The following PTPN14 variants were observed in gnomAD, a reference collection of about 807,000 sequenced individuals.
The protein encoded by PTPN14 is tyrosine-protein phosphatase non-receptor type 14.
In PTPN14, 53 loss-of-function variants were observed where a neutral mutation model predicts 126.8. That is an observed-to-expected ratio of 0.42 (90% confidence interval 0.34 to 0.53). PTPN14 has a LOEUF of 0.53. Ranked by LOEUF, PTPN14 falls within the 20% of genes least tolerant of loss-of-function variation. The pLI, the probability that PTPN14 is intolerant of heterozygous loss-of-function variation, is 0.08. For synonymous variants in PTPN14, 630 were observed against 599.3 expected (o/e 1.05, Z -0.75); for missense variants, 1,257 against 1,552.9 (o/e 0.81, Z 3.20).
At chr1:214,486,786 A>T (rs769298506) in intron 1 of PTPN14, among the ~76,000 whole-genome samples, 77 of 152,298 alleles carry the variant, frequency 5.1e-4, no homozygotes, top group Non-Finnish European at 9.4e-4. Context: ...CATTCCCCCT[A>T]GTAGTGAACA....
chr1:214,449,046 G>A (rs1420065353), intron 3 of PTPN14, among the ~76,000 whole-genome samples: 4 of 118,636 alleles, frequency 3.4e-5, no homozygotes, highest in East Asian at 4.8e-4. Context: ...TCACTCTTTC[G>A]CCCAAGCTGG....
chr1:214,389,823 G>T (rs559047668), intron 11 of PTPN14, among the ~76,000 whole-genome samples: 1 of 152,284 alleles, frequency 6.6e-6, no homozygotes, highest in Non-Finnish European at 1.5e-5. Context: ...TAAAGGAGAA[G>T]AATAAATAAA....
chr1:214,377,408 A>G (rs1658368437), intron 14 of PTPN14, among the ~76,000 whole-genome samples: 1 of 152,210 alleles, frequency 6.6e-6, no homozygotes, highest in African/African-American at 2.4e-5. Context: ...AGGAGCAGAG[A>G]GGATAACCAT....
chr1:214,439,615 G>C (rs1659993998), intron 3 of PTPN14, among the ~76,000 whole-genome samples: 2 of 152,196 alleles, frequency 1.3e-5, no homozygotes, highest in Non-Finnish European at 2.9e-5. Context: ...AGAGTTAGGA[G>C]GCTGTAAACC....
In PTPN14 at chr1:214,348,921, C is replaced by T. The variant is rs1269764400; in HGVS notation, c.*9001G>A. 1 of 152,100 alleles carries T rather than the reference C, an allele frequency of 6.6e-6. No individual in the cohort carries two copies. Among genetic ancestry groups the T allele is most frequent in the African/African-American group, 2.4e-5 (1 of 41,424 alleles). The allele number at this position is 152,100 out of a possible 1,614,324, so 9.4% of individuals were successfully genotyped here. ...TACTGTCAAAGTCAGTTCTATACAC[C>T]TCATAACTGTGTATACAACTGGCAA... On this transcript the variant is annotated 3_prime_UTR_variant, in exon 19 of 19. Transcript: ENST00000366956.
At chr1:214,366,053 T>C (rs1040670781) in intron 17 of PTPN14, among the ~76,000 whole-genome samples, 2 of 152,062 alleles carry the variant, frequency 1.3e-5, no homozygotes, top group Non-Finnish European at 2.9e-5. Context: ...TAATCCCAGC[T>C]AGTAATTCCA....
Position 214,383,721 on chromosome 1 carries a change from C to G in PTPN14, c.2134G>C (p.Glu712Gln), listed in dbSNP as rs777047210. The stretch of plus-strand genomic sequence containing the variant: ...GATTCTGGAGCCTCCTCCTCCTCCT[C>G]CTCACTCTCGCTGCTGTGGATTAGC... The part of the protein sequence containing the change: ...TMLIHSSESE[E>Q]EEEEAPESVP... Residue 712 changes from glutamate (E) to glutamine (Q), a missense_variant, in exon 13 of 19, where the codon GAG becomes CAG. This residue lies in a region of PTPN14 where 1,021 missense variants were observed against 1,183.3 expected (regional missense o/e 0.86). Transcript: ENST00000366956. This position sits in a 1 kb window ranked among gnomAD's most constrained non-coding sequence, Gnocchi z 4.4. 1.9e-5 allele frequency: 31 copies of G among 1,613,318 alleles called. No homozygotes were observed. Among genetic ancestry groups the G allele is most frequent in the Non-Finnish European group, 2.6e-5 (31 of 1,180,028 alleles).
chr1:214,374,925 G>A (rs1363718286), intron 15 of PTPN14, among the ~76,000 whole-genome samples: 1 of 152,208 alleles, frequency 6.6e-6, no homozygotes, highest in Non-Finnish European at 1.5e-5. Context: ...GGAAGCAGCT[G>A]TGTGATCTGC....
intron 1 of PTPN14, among the ~76,000 whole-genome samples, chr1:214,520,065 A>AATATATATATAT (rs1553274995): frequency 4.6e-4 from 33 of 71,070 alleles, no homozygotes; most frequent in Middle Eastern, 0.011. Context: ...AAAAAAAAAA[A>AATATATATATAT]ATATATATAT....
intron 18 of PTPN14, among the ~76,000 whole-genome samples, chr1:214,361,049 C>G (rs1182506002): frequency 2.0e-5 from 3 of 152,130 alleles, no homozygotes; most frequent in Non-Finnish European, 4.4e-5. Context: ...TGTAAGTTTC[C>G]TGAGGCCTCC....
intron 5 of PTPN14, among the ~76,000 whole-genome samples, chr1:214,406,472 T>C (rs1391233701): frequency 5.3e-5 from 8 of 150,606 alleles, no homozygotes; most frequent in East Asian, 3.9e-4. Context: ...CAGAGCGAGA[T>C]TGTCTGAAAA....
At chr1:214,507,483 A>G (rs1369243827) in intron 1 of PTPN14, among the ~76,000 whole-genome samples, 1 of 152,258 alleles carries the variant, frequency 6.6e-6, no homozygotes, top group Non-Finnish European at 1.5e-5. Flanking sequence ...AGTATAGCTC[A>G]TCCTAGAAGA....
intron 3 of PTPN14, among the ~76,000 whole-genome samples, chr1:214,416,168 G>A (rs748333306): frequency 1.1e-4 from 16 of 152,158 alleles, no homozygotes; most frequent in Non-Finnish European, 2.2e-4. Flanking sequence ...CTTGGAGAGT[G>A]CTAAAACAGT....
intron 18 of PTPN14, among the ~76,000 whole-genome samples, chr1:214,358,746 CTT>C (rs60944780): frequency 6.9e-6 from 1 of 145,396 alleles, no homozygotes. Flanking sequence ...CTCATTATTC[CTT>C]TTTTTTTTTT....
intron 1 of PTPN14, among the ~76,000 whole-genome samples, chr1:214,490,975 A>AAAGGAAGG (rs1321751965): frequency 8.2e-6 from 1 of 122,016 alleles, no homozygotes. Context: ...GAAGGGAAGG[A>AAAGGAAGG]AAGGAAGGAA....
chr1:214,391,017 G>C lies in PTPN14; in HGVS notation c.958C>G (p.Arg320Gly). ...GAGGATCGGCTCCAGGTGGGCTGGC[G>C]TCTGATGGGGGGTGGAGAATTTGAC... ...EQSNSPPPIR[R>G]QPTWSRSSLP... Residue 320 changes from arginine to glycine, a missense_variant, in exon 11 of 19, where the codon CGC becomes GGC. This residue lies in a region of PTPN14 where 1,021 missense variants were observed against 1,183.3 expected (regional missense o/e 0.86). Coordinates refer to ENST00000366956, the MANE Select transcript of PTPN14 (RefSeq NM_005401.5). 3 of 1,587,006 alleles carry C rather than the reference G, an allele frequency of 1.9e-6. No homozygotes were observed. Among genetic ancestry groups the C allele is most frequent in the Non-Finnish European group, 2.6e-6 (3 of 1,161,590 alleles).
At chr1:214,536,109 G>C (rs1366540409) in intron 1 of PTPN14, among the ~76,000 whole-genome samples, 4 of 142,468 alleles carry the variant, frequency 2.8e-5, no homozygotes, top group African/African-American at 1.0e-4. Context: ...ACAAAAAAAG[G>C]CCAGGTACAG....
intron 1 of PTPN14, among the ~76,000 whole-genome samples, chr1:214,513,687 G>A (rs1045338862): frequency 7.9e-5 from 12 of 151,952 alleles, no homozygotes; most frequent in Admixed American, 3.9e-4. Context: ...CACAAAGTTC[G>A]AATCCCACAT....
At chr1:214,438,271 G>A (rs1246562698) in intron 3 of PTPN14, among the ~76,000 whole-genome samples, 2 of 152,104 alleles carry the variant, frequency 1.3e-5, no homozygotes, top group Non-Finnish European at 2.9e-5. Context: ...GGCAAGGCCC[G>A]CTTTATCCTG....
Sources: gnomAD v4.1 joint callset for allele counts (sites outside exome capture counted in the v4.1 genomes callset) on GRCh38, gnomAD v4.1.1 for gene constraint, gnomAD v4.1.1 regional missense constraint, Gnocchi (gnomAD v3.1) non-coding constraint, MANE v1.5 for transcripts, NCBI Gene and HGNC (gene_info 2026-07-23, HGNC 2026-07-21) for gene names.